Variants in SLC24A2 observed in about 807,000 individuals in gnomAD.
SLC24A2 encodes sodium/potassium/calcium exchanger 2.
Under a neutral mutation model 62.0 loss-of-function variants are expected in SLC24A2, and 36 were observed. The observed-to-expected ratio is 0.58, with a 90% confidence interval of 0.44 to 0.77. The LOEUF is 0.77. SLC24A2 is among the 30% of genes least tolerant of loss of function. SLC24A2 has a pLI of 0.00. For synonymous variants in SLC24A2, 358 were observed against 294.0 expected (o/e 1.22, Z -2.23); for missense variants, 846 against 817.9 (o/e 1.03, Z -0.42).
chr9:19,767,303 G>A (rs973821855), intron 2 of SLC24A2, among the ~76,000 whole-genome samples: 3 of 152,108 alleles, frequency 2.0e-5, no homozygotes, highest in East Asian at 1.9e-4. Context: ...GGGCATGAAC[G>A]GTTTTGTCTC....
At chr9:20,256,129 G>A in the SLC24A2 span, among the ~76,000 whole-genome samples, 1 of 152,148 alleles carries the variant, frequency 6.6e-6, no homozygotes, top group African/African-American at 2.4e-5. Context: ...TTATTTCACT[G>A]CCCTCATGGC....
chr9:19,548,805 C>A (rs1189113872), intron 8 of SLC24A2, among the ~76,000 whole-genome samples: 1 of 152,226 alleles, frequency 6.6e-6, no homozygotes, highest in Non-Finnish European at 1.5e-5. Context: ...CTCATTGCTC[C>A]CGCCAAGGGC....
intron 2 of SLC24A2, 28 bp from the exon 3 acceptor site, chr9:19,622,327 A>AAGAC: frequency 6.2e-7 from 1 of 1,603,680 alleles, no homozygotes; most frequent in East Asian, 2.2e-5. Flanking sequence ...GCAAAGACAA[A>AAGAC]AGACAAAGAA....
the SLC24A2 span, among the ~76,000 whole-genome samples, chr9:20,054,581 C>A: frequency 4.1e-3 from 627 of 152,256 alleles, 3 homozygotes; most frequent in South Asian, 0.013. Flanking sequence ...ACCTCACCCC[C>A]CTCCCATGCT....
intron 2 of SLC24A2, among the ~76,000 whole-genome samples, chr9:19,644,015 G>C (rs1054778379): frequency 3.6e-4 from 55 of 152,234 alleles, no homozygotes; most frequent in Non-Finnish European, 1.3e-4. Context: ...TTGAGTCATT[G>C]TGAATAATAA....
intron 2 of SLC24A2, among the ~76,000 whole-genome samples, chr9:19,711,847 G>A (rs1820723912): frequency 2.6e-5 from 4 of 152,174 alleles, no homozygotes; most frequent in Non-Finnish European, 5.9e-5. Context: ...ATAACACAGT[G>A]AGGAGAAATG....
At chr9:19,773,411 A>G (rs1822749095) in intron 2 of SLC24A2, among the ~76,000 whole-genome samples, 2 of 152,224 alleles carry the variant, frequency 1.3e-5, no homozygotes, top group Non-Finnish European at 2.9e-5. Flanking sequence ...GCTGGAATAA[A>G]CTGGCTTTTA....
At chr9:19,544,695 G>C (rs530509012) in intron 8 of SLC24A2, among the ~76,000 whole-genome samples, 1 of 152,126 alleles carries the variant, frequency 6.6e-6, no homozygotes, top group Non-Finnish European at 1.5e-5. Context: ...ACGAAACTGA[G>C]TTTGCCTGGA....
At chr9:20,091,530 G>A in the SLC24A2 span, among the ~76,000 whole-genome samples, 49 of 151,728 alleles carry the variant, frequency 3.2e-4, no homozygotes, top group Non-Finnish European at 5.7e-4. Flanking sequence ...AGCCAGAAGA[G>A]ACTGGGGACC....
chr9:19,662,903 A>T (rs1819143467), intron 2 of SLC24A2, among the ~76,000 whole-genome samples: 1 of 152,186 alleles, frequency 6.6e-6, no homozygotes, highest in Non-Finnish European at 1.5e-5. Context: ...TTATGTGTAT[A>T]TTCCATGTCT....
At chr9:19,790,198 G>C (rs553618889), upstream of SLC24A2, among the ~76,000 whole-genome samples, 10 of 152,200 alleles carry the variant, frequency 6.6e-5, no homozygotes, top group Admixed American at 1.3e-4. Flanking sequence ...AGACTCCCAA[G>C]TGCTTGCAGA....
At chr9:20,238,759 G>C in the SLC24A2 span, among the ~76,000 whole-genome samples, 48 of 152,306 alleles carry the variant, frequency 3.2e-4, no homozygotes, top group Middle Eastern at 0.01. Flanking sequence ...AAATTCATAT[G>C]TTGAAGTATT....
At chr9:20,014,495 G>GATATATATATATAT in the SLC24A2 span, among the ~76,000 whole-genome samples, 175 of 140,708 alleles carry the variant, frequency 1.2e-3, no homozygotes, top group African/African-American at 4.1e-3. Flanking sequence ...AGAAAAATGT[G>GATATATATATATAT]ATATATATAT....
intron 7 of SLC24A2, among the ~76,000 whole-genome samples, chr9:19,555,860 A>T (rs746363794): frequency 1.3e-5 from 2 of 152,114 alleles, no homozygotes; most frequent in African/African-American, 2.4e-5. Flanking sequence ...CAGGAGAATC[A>T]CTTGAACCCG....
intron 2 of SLC24A2, among the ~76,000 whole-genome samples, chr9:19,695,074 G>A (rs542564797): frequency 2.6e-5 from 4 of 151,678 alleles, no homozygotes; most frequent in Non-Finnish European, 5.9e-5. Context: ...TAACTGGAAT[G>A]GGGCGGGGGT....
chr9:20,288,126 A>G, the SLC24A2 span, among the ~76,000 whole-genome samples: 1 of 152,320 alleles, frequency 6.6e-6, no homozygotes. Flanking sequence ...AATGAGTTTT[A>G]GAAACAAGGA....
chr9:20,202,050 GGTGTGTGTGTGTGTGTGT>G, the SLC24A2 span, among the ~76,000 whole-genome samples: 6 of 141,680 alleles, frequency 4.2e-5, no homozygotes, highest in African/African-American at 1.0e-4. Context: ...CCCATTTCAT[GGTGTGTGTGTGTGTGTGT>G]GTGTGTGTGT....
chr9:19,734,717 T>C (rs1821450952), intron 2 of SLC24A2, among the ~76,000 whole-genome samples: 2 of 152,194 alleles, frequency 1.3e-5, no homozygotes, highest in African/African-American at 2.4e-5. Flanking sequence ...CTTGTGATTT[T>C]TGCACATTGA....
the SLC24A2 span, among the ~76,000 whole-genome samples, chr9:19,856,808 G>T: frequency 7.9e-5 from 12 of 152,184 alleles, no homozygotes; most frequent in Admixed American, 7.9e-4. Context: ...CGCTCTGGCT[G>T]CCCCATGGTG....
Sources: gnomAD v4.1 joint callset for allele counts (sites outside exome capture counted in the v4.1 genomes callset) on GRCh38, gnomAD v4.1.1 for gene constraint, MANE v1.5 for transcripts, NCBI Gene and HGNC (gene_info 2026-07-23, HGNC 2026-07-21) for gene names.